CCDC171: variants seen among roughly 807,000 people sequenced by gnomAD.
CCDC171 encodes coiled-coil domain-containing protein 171.
Under a neutral mutation model 168.2 loss-of-function variants are expected in CCDC171, and 177 were observed. The observed-to-expected ratio is 1.05, with a 90% CI of 0.93 to 1.19. CCDC171 has a LOEUF of 1.19. CCDC171 is among the 50% of genes most tolerant of loss of function. The pLI is 0.00. For missense variants in CCDC171, 1,991 were observed against 1,539.0 expected, an observed-to-expected ratio of 1.29 and a Z score of -4.91; for synonymous variants, 687 against 540.8, an observed-to-expected ratio of 1.27 and a Z score of -3.75.
At chr9:15,740,027 G>A (rs1402868219) in intron 16 of CCDC171, among the ~76,000 whole-genome samples, 1 of 152,098 alleles carries the variant, frequency 6.6e-6, no homozygotes, top group Non-Finnish European at 1.5e-5. Flanking sequence ...TTGAGCCACC[G>A]TGCCTGGCCC....
At chr9:15,786,413 A>G (rs1174073010) in intron 21 of CCDC171, among the ~76,000 whole-genome samples, 5 of 152,202 alleles carry the variant, frequency 3.3e-5, no homozygotes, top group African/African-American at 1.2e-4. Context: ...CACCTGATAT[A>G]TCTACCATCA....
intron 7 of CCDC171, among the ~76,000 whole-genome samples, chr9:15,633,838 G>A (rs570030665): frequency 1.3e-5 from 2 of 152,324 alleles, no homozygotes; most frequent in Non-Finnish European, 2.9e-5. Context: ...GGAATAGTAT[G>A]CAGCCATAAA....
chr9:15,577,144 G>T (rs2040733894), intron 3 of CCDC171, among the ~76,000 whole-genome samples: 1 of 152,122 alleles, frequency 6.6e-6, no homozygotes, highest in African/African-American at 2.4e-5. Context: ...TTGTAATTTT[G>T]CATTTCCCAT....
At chr9:15,914,515 C>T (rs544313838) in intron 24 of CCDC171, among the ~76,000 whole-genome samples, 1 of 152,196 alleles carries the variant, frequency 6.6e-6, no homozygotes, top group South Asian at 2.1e-4. Flanking sequence ...CTTGAGCATC[C>T]CAGGTTGACT....
At chr9:15,873,455 CTACCTGATAAAAAACTTTTTGTTCTGTG>C (rs1270811147) in intron 23 of CCDC171, among the ~76,000 whole-genome samples, 1 of 151,970 alleles carries the variant, frequency 6.6e-6, no homozygotes, top group Non-Finnish European at 1.5e-5. Flanking sequence ...TTGACCTTCG[CTACCTGATAAAAAACTTTTTGTTCTGTG>C]GCATTGAGCT....
At chr9:15,813,606 T>TTGTGCGTG (rs1554630632) in intron 21 of CCDC171, among the ~76,000 whole-genome samples, 1 of 149,812 alleles carries the variant, frequency 6.7e-6, no homozygotes, top group African/African-American at 2.5e-5. Context: ...TTACATGTAT[T>TTGTGCGTG]TGTGTGTGTG....
intron 7 of CCDC171, among the ~76,000 whole-genome samples, chr9:15,636,349 T>G (rs1334996819): frequency 6.6e-6 from 1 of 152,190 alleles, no homozygotes; most frequent in Non-Finnish European, 1.5e-5. Context: ...AATAGTATTT[T>G]AACATATTGT....
At chr9:16,013,329 C>A (rs1021738092) in intron 3 of CCDC171, among the ~76,000 whole-genome samples, 1 of 152,182 alleles carries the variant, frequency 6.6e-6, no homozygotes, top group Non-Finnish European at 1.5e-5. Context: ...TAGCTTTCTG[C>A]CTCTCATCTC....
At chr9:15,563,512 G>T (rs2039483037) in intron 1 of CCDC171, among the ~76,000 whole-genome samples, 1 of 152,138 alleles carries the variant, frequency 6.6e-6, no homozygotes, top group South Asian at 2.1e-4. Context: ...GTGTTGTAAG[G>T]ATCACAATGC....
At chr9:16,068,032 C>T in the CCDC171 span, among the ~76,000 whole-genome samples, 5 of 150,852 alleles carry the variant, frequency 3.3e-5, no homozygotes, top group Non-Finnish European at 7.4e-5. Flanking sequence ...TGTTTGCAGA[C>T]GACATGATTG....
chr9:15,731,686 C>A (rs1434680906), intron 16 of CCDC171, among the ~76,000 whole-genome samples: 1 of 151,978 alleles, frequency 6.6e-6, no homozygotes, highest in African/African-American at 2.4e-5. Flanking sequence ...CTTTTGTCAA[C>A]ATATGGTTTT....
chr9:15,913,566 C>G (rs1003463897), intron 24 of CCDC171, among the ~76,000 whole-genome samples: 3 of 151,798 alleles, frequency 2.0e-5, no homozygotes, highest in Admixed American at 2.0e-4. Context: ...CTTGTCTTAG[C>G]TTCCTTGTGT....
intron 23 of CCDC171, among the ~76,000 whole-genome samples, chr9:15,873,532 A>G (rs912206002): frequency 6.6e-6 from 1 of 152,056 alleles, no homozygotes; most frequent in Admixed American, 6.6e-5. Flanking sequence ...TAACAAATAG[A>G]TAAAATTTTA....
intron 9 of CCDC171, among the ~76,000 whole-genome samples, chr9:15,678,082 A>G (rs898261428): frequency 2.0e-5 from 3 of 149,542 alleles, no homozygotes; most frequent in African/African-American, 7.4e-5. Flanking sequence ...GCTGATATTT[A>G]AATTGTTTTG....
chr9:15,959,666 C>G (rs1303225280), intron 25 of CCDC171, among the ~76,000 whole-genome samples: 1 of 151,984 alleles, frequency 6.6e-6, no homozygotes, highest in East Asian at 1.9e-4. Flanking sequence ...TGTGCGGACT[C>G]TAGAGAGTTA....
intron 7 of CCDC171, among the ~76,000 whole-genome samples, chr9:15,649,835 G>T (rs1468035827): frequency 6.6e-6 from 1 of 152,256 alleles, no homozygotes; most frequent in African/African-American, 2.4e-5. Flanking sequence ...GTGGAAGACA[G>T]TGTGGCAATT....
At chr9:15,984,731 A>T (rs1831930600) in intron 3 of CCDC171, among the ~76,000 whole-genome samples, 1 of 152,128 alleles carries the variant, frequency 6.6e-6, no homozygotes, top group Non-Finnish European at 1.5e-5. Context: ...ATATTTGATG[A>T]AAAGGGTAGG....
intron 23 of CCDC171, among the ~76,000 whole-genome samples, chr9:15,852,663 T>C (rs1268723055): frequency 6.6e-6 from 1 of 151,724 alleles, no homozygotes; most frequent in African/African-American, 2.4e-5. Context: ...AAATGCAAAG[T>C]CGTGAAGCTT....
chr9:15,851,054 C>G (rs1339012443), intron 23 of CCDC171, among the ~76,000 whole-genome samples: 1 of 151,938 alleles, frequency 6.6e-6, no homozygotes, highest in South Asian at 2.1e-4. Context: ...ACACAATAAT[C>G]AAATAGAAGA....
Sources: gnomAD v4.1 joint callset for allele counts (sites outside exome capture counted in the v4.1 genomes callset) on GRCh38, gnomAD v4.1.1 for gene constraint, MANE v1.5 for transcripts, NCBI Gene and HGNC (gene_info 2026-07-23, HGNC 2026-07-21) for gene names.